ANKRD62: variants seen among roughly 807,000 people sequenced by gnomAD.
ANKRD62 encodes ankyrin repeat domain 62.
ANKRD62 carries 61 observed loss-of-function variants against 98.8 expected under a neutral mutation model. That is an observed-to-expected ratio of 0.62 (90% CI 0.50 to 0.76). The LOEUF is 0.76. ANKRD62 is among the 30% of genes least tolerant of loss of function. ANKRD62 has a pLI of 0.00. For missense variants in ANKRD62, 933 were observed against 1,082.9 expected, an observed-to-expected ratio of 0.86 and a Z score of 1.94; for synonymous variants, 341 against 367.9, an observed-to-expected ratio of 0.93 and a Z score of 0.84.
chr18:12,102,317 T>G (rs1598731002), intron 6 of ANKRD62: 1 of 709,274 alleles, frequency 1.4e-6, no homozygotes, highest in Admixed American at 1.9e-5. Context: ...GGTGGCTTGG[T>G]GACAAGCCAA....
At chr18:12,138,240 G>C in the ANKRD62 span, among the ~76,000 whole-genome samples, 2 of 152,176 alleles carry the variant, frequency 1.3e-5, no homozygotes, top group Non-Finnish European at 2.9e-5. Flanking sequence ...ATTCTGGTAT[G>C]TTGTGTCTTT....
intron 6 of ANKRD62, chr18:12,102,237 A>G: frequency 2.6e-6 from 2 of 780,888 alleles, no homozygotes; most frequent in Non-Finnish European, 4.7e-6. Context: ...AGCTGGAAGC[A>G]GGCCCAGGAG....
the ANKRD62 span, among the ~76,000 whole-genome samples, chr18:12,161,172 C>A: frequency 1.3e-5 from 2 of 152,062 alleles, no homozygotes; most frequent in African/African-American, 4.8e-5. Flanking sequence ...CTCATGTTAC[C>A]ATCTGAGTCT....
At chr18:12,127,676 A>T in intron 13 of ANKRD62, 72 bp from the exon 14 acceptor site, 1 of 1,159,976 alleles carries the variant, frequency 8.6e-7, no homozygotes, top group Non-Finnish European at 1.1e-6. Context: ...TGTATATTAG[A>T]GTTAAATATT....
chr18:12,168,209 C>A, the ANKRD62 span, among the ~76,000 whole-genome samples: 3 of 152,138 alleles, frequency 2.0e-5, no homozygotes, highest in Non-Finnish European at 4.4e-5. Context: ...AGTCCTTGCC[C>A]ATTCCTATGT....
At chr18:12,172,183 C>T in the ANKRD62 span, among the ~76,000 whole-genome samples, 99 of 152,214 alleles carry the variant, frequency 6.5e-4, no homozygotes, top group African/African-American at 2.3e-3. Context: ...CCCTTGCTGG[C>T]GAGGAGCTGT....
chr18:12,133,706 A>T (rs1024006575), downstream of ANKRD62, among the ~76,000 whole-genome samples: 8 of 152,096 alleles, frequency 5.3e-5, no homozygotes, highest in Non-Finnish European at 8.8e-5. Flanking sequence ...TCCTTTGACC[A>T]TGTTTTAATT....
chr18:12,101,833 C>T (rs751523929), intron 6 of ANKRD62, among the ~76,000 whole-genome samples: 3 of 152,174 alleles, frequency 2.0e-5, no homozygotes, highest in Non-Finnish European at 4.4e-5. Context: ...ACCTTTTCCT[C>T]AAATATTAAA....
At chr18:12,155,965 C>T in the ANKRD62 span, among the ~76,000 whole-genome samples, 1 of 152,040 alleles carries the variant, frequency 6.6e-6, no homozygotes, top group Non-Finnish European at 1.5e-5. Flanking sequence ...TGGAGATTTG[C>T]CTTTCTGTGG....
At chr18:12,123,392 G>A (rs1909822926) in intron 11 of ANKRD62, among the ~76,000 whole-genome samples, 1 of 152,130 alleles carries the variant, frequency 6.6e-6, no homozygotes, top group Non-Finnish European at 1.5e-5. Context: ...AAAGTAAAAT[G>A]GAAAGTGATT....
intron 10 of ANKRD62, among the ~76,000 whole-genome samples, chr18:12,116,833 A>G (rs1909675279): frequency 6.6e-6 from 1 of 152,220 alleles, no homozygotes; most frequent in Non-Finnish European, 1.5e-5. Flanking sequence ...TGTTGCATTT[A>G]TAGATTAATT....
At chr18:12,179,825 T>C in the ANKRD62 span, among the ~76,000 whole-genome samples, 1 of 104,978 alleles carries the variant, frequency 9.5e-6, no homozygotes, top group Admixed American at 1.1e-4. Context: ...CAGGGATGCG[T>C]TGCAAAAGCA....
At position 12,107,427 on chromosome 18, in the gene ANKRD62, A is replaced by C; in HGVS notation, c.1024A>C (p.Asn342His). 1 of 1,513,462 alleles carries C rather than the reference A, an allele frequency of 6.6e-7. No homozygotes were observed. The highest frequency in any genetic ancestry group is 8.8e-7 in the Non-Finnish European group (1 of 1,136,030). The allele number at this position is 1,513,462 out of a possible 1,614,324, so 93.8% of individuals were successfully genotyped here. ...CAAAATAAAGAACAGAAAACCTGAT[A>C]ATCATCAATCTCCTGGGAAGGAGAA... ...IHKIKNRKPDNHQSPGKENGE... is the reference protein window; with the variant it reads ...IHKIKNRKPDHHQSPGKENGE... Residue 342 changes from asparagine (N) to histidine (H), a missense_variant, in exon 8 of 14, where the codon AAT (asparagine) becomes CAT (histidine). Asn to His is a moderately conservative substitution (Grantham distance 68). Transcript: ENST00000587848.
At chr18:12,134,643 C>T (rs1378635868), downstream of ANKRD62, among the ~76,000 whole-genome samples, 2 of 152,046 alleles carry the variant, frequency 1.3e-5, no homozygotes, top group Admixed American at 6.6e-5. Context: ...TTTGTCCTTG[C>T]GATAGTTTGC....
At chr18:12,162,739 C>T in the ANKRD62 span, among the ~76,000 whole-genome samples, 1 of 152,096 alleles carries the variant, frequency 6.6e-6, no homozygotes, top group Non-Finnish European at 1.5e-5. Flanking sequence ...ATATCGACAT[C>T]TAGTTTTGCC....
chr18:12,131,918 G>A (rs979594595), downstream of ANKRD62, among the ~76,000 whole-genome samples: 1 of 151,736 alleles, frequency 6.6e-6, no homozygotes, highest in African/African-American at 2.4e-5. Context: ...GTTTTTTTCA[G>A]AGTTACTGCA....
chr18:12,113,268 C>G (rs536936333), intron 8 of ANKRD62, among the ~76,000 whole-genome samples: 2 of 152,148 alleles, frequency 1.3e-5, no homozygotes, highest in African/African-American at 2.4e-5. Flanking sequence ...CTTCACTGAT[C>G]GTTAGAGAAA....
chr18:12,178,226 G>T, the ANKRD62 span, among the ~76,000 whole-genome samples: 1 of 150,324 alleles, frequency 6.7e-6, no homozygotes, highest in South Asian at 2.1e-4. Context: ...GAGGAAGGAA[G>T]AGGGACAGGT....
At chr18:12,145,146 T>A in the ANKRD62 span, among the ~76,000 whole-genome samples, 2 of 152,116 alleles carry the variant, frequency 1.3e-5, no homozygotes, top group African/African-American at 2.4e-5. Context: ...TGTGCTGTGC[T>A]GTGCTGGGGG....
Sources: allele counts gnomAD v4.1 joint callset (sites outside exome capture counted in the v4.1 genomes callset), GRCh38; gene constraint gnomAD v4.1.1; transcripts MANE v1.5; gene names NCBI Gene and HGNC (gene_info 2026-07-23, HGNC 2026-07-21).